GPATCH2: variants seen among roughly 807,000 people sequenced by gnomAD.
The protein encoded by GPATCH2 is G patch domain-containing protein 2.
In GPATCH2, 51 loss-of-function variants were observed where a neutral mutation model predicts 58.0. The observed-to-expected ratio is 0.88, with a 90% CI of 0.70 to 1.11. The LOEUF (loss-of-function observed/expected upper bound fraction) is 1.11. Ranked by LOEUF, GPATCH2 falls within the 50% of genes most tolerant of loss-of-function variation. The pLI is 0.00. For synonymous variants in GPATCH2, 222 were observed against 218.5 expected (o/e 1.02, Z -0.14); for missense variants, 625 against 652.2 (o/e 0.96, Z 0.45).
At chr1:217,598,443 A>AC (rs761899244) in intron 5 of GPATCH2, among the ~76,000 whole-genome samples, 50 of 148,650 alleles carry the variant, frequency 3.4e-4, no homozygotes, top group Non-Finnish European at 3.3e-4. Context: ...AACCATCAAC[A>AC]TTAAAAAAAA....
chr1:217,547,524 A>G (rs923134077), intron 5 of GPATCH2, among the ~76,000 whole-genome samples: 1 of 152,300 alleles, frequency 6.6e-6, no homozygotes, highest in African/African-American at 2.4e-5. Context: ...ATTACTGCAT[A>G]TATACCCAAA....
chr1:217,588,546 T>G (rs531503375), intron 5 of GPATCH2, among the ~76,000 whole-genome samples: 1 of 152,340 alleles, frequency 6.6e-6, no homozygotes, highest in South Asian at 2.1e-4. Context: ...CATCATCTAG[T>G]ATATGACATT....
intron 5 of GPATCH2, among the ~76,000 whole-genome samples, chr1:217,570,246 G>A (rs988442694): frequency 6.6e-6 from 1 of 151,962 alleles, no homozygotes; most frequent in African/African-American, 2.4e-5. Flanking sequence ...TGAGTAGCTG[G>A]GACTAGAGGT....
At chr1:217,499,325 G>A (rs1662181196) in intron 6 of GPATCH2, among the ~76,000 whole-genome samples, 3 of 152,214 alleles carry the variant, frequency 2.0e-5, no homozygotes, top group East Asian at 3.9e-4. Flanking sequence ...ATCCTTACAA[G>A]GTTAGGCTCA....
intron 3 of GPATCH2, among the ~76,000 whole-genome samples, chr1:217,613,395 C>T (rs966368889): frequency 2.0e-5 from 3 of 151,984 alleles, no homozygotes; most frequent in Non-Finnish European, 4.4e-5. Context: ...GTGTTTTTCA[C>T]TTGGAACTTA....
At chr1:217,480,481 G>C (rs1302073610) in intron 8 of GPATCH2, among the ~76,000 whole-genome samples, 2 of 152,084 alleles carry the variant, frequency 1.3e-5, no homozygotes, top group Non-Finnish European at 2.9e-5. Flanking sequence ...ATATCCAAAT[G>C]AGGTAATAAC....
In GPATCH2 at chr1:217,558,438, T is replaced by G. The variant is rs538495532; in HGVS notation, c.1099-43549A>C. 9.8e-5 allele frequency among the ~76,000 whole-genome samples: 15 copies of G among 152,358 alleles called. No individual in the cohort carries two copies. The South Asian group carries it at 3.1e-3, about 32-fold the overall frequency. ...GGAAGGTACAAATTTCATGATCTTTTGTTGTAATAAAGTGTCTCACAAAGC... is the reference window on the plus strand; with the variant it reads ...GGAAGGTACAAATTTCATGATCTTTGGTTGTAATAAAGTGTCTCACAAAGC... On this transcript the variant is annotated intron_variant, in intron 5 of 9. Coordinates refer to ENST00000366935, the MANE Select transcript of GPATCH2 (RefSeq NM_018040.5).
rs112772482 is a variant in GPATCH2 at position 217,498,942 on chromosome 1, C to G, written c.1167-547G>C. Among the ~76,000 whole-genome samples, 485 of 152,226 alleles carry G rather than the reference C, an allele frequency of 3.2e-3. 2 individuals carry two copies. The highest frequency in any genetic ancestry group is 0.011 in the African/African-American group (462 of 41,556). On this transcript the variant is annotated intron_variant, in intron 6 of 9. Coordinates refer to ENST00000366935, the MANE Select transcript of GPATCH2 (RefSeq NM_018040.5). ...GATTCTGGCTGAGAATGAAGTTCAA[C>G]AACATTAAAAATATAGAAGTCACTG... is the stretch of plus-strand genomic sequence containing the variant.
chr1:217,448,093 T>C (rs1412925653), intron 9 of GPATCH2, among the ~76,000 whole-genome samples: 3 of 141,962 alleles, frequency 2.1e-5, no homozygotes, highest in African/African-American at 8.4e-5. Flanking sequence ...GGTGAAACTC[T>C]GTCTCAGAAA....
At chr1:217,477,845 G>A (rs1395721417) in intron 8 of GPATCH2, among the ~76,000 whole-genome samples, 1 of 152,130 alleles carries the variant, frequency 6.6e-6, no homozygotes, top group Non-Finnish European at 1.5e-5. Context: ...ACAGGCCTTG[G>A]TTGAGACCTA....
At chr1:217,548,452 G>C (rs1021159950) in intron 5 of GPATCH2, among the ~76,000 whole-genome samples, 1 of 152,168 alleles carries the variant, frequency 6.6e-6, no homozygotes, top group African/African-American at 2.4e-5. Context: ...CAAATACTAA[G>C]ACACCTGCTT....
At chr1:217,494,520 C>T (rs1661910657) in intron 7 of GPATCH2, among the ~76,000 whole-genome samples, 1 of 152,146 alleles carries the variant, frequency 6.6e-6, no homozygotes, top group Non-Finnish European at 1.5e-5. Flanking sequence ...GGGCGGATCA[C>T]CTGAAGTCGG....
chr1:217,538,828 G>A (rs933610676), intron 5 of GPATCH2, among the ~76,000 whole-genome samples: 2 of 152,110 alleles, frequency 1.3e-5, no homozygotes, highest in African/African-American at 4.8e-5. Flanking sequence ...AACAGTGTTG[G>A]GTCCTAATTT....
At chr1:217,465,218 TA>T (rs1200131471) in intron 8 of GPATCH2, among the ~76,000 whole-genome samples, 2 of 150,728 alleles carry the variant, frequency 1.3e-5, no homozygotes, top group East Asian at 1.9e-4. Context: ...ACTTTAAAAT[TA>T]AAAAAAGAAA....
At chr1:217,512,229 A>G (rs192298719) in intron 6 of GPATCH2, among the ~76,000 whole-genome samples, 38 of 152,232 alleles carry the variant, frequency 2.5e-4, no homozygotes, top group African/African-American at 8.9e-4. Flanking sequence ...AGCTGAGGCC[A>G]GGGGATCACG....
chr1:217,448,090 CTCTG>C (rs1472319634), intron 9 of GPATCH2, among the ~76,000 whole-genome samples: 1 of 142,980 alleles, frequency 7.0e-6, no homozygotes, highest in African/African-American at 2.7e-5. Context: ...AAGGGTGAAA[CTCTG>C]TCTCAGAAAA....
At chr1:217,549,218 G>A (rs926464781) in intron 5 of GPATCH2, among the ~76,000 whole-genome samples, 2 of 152,060 alleles carry the variant, frequency 1.3e-5, no homozygotes, top group Non-Finnish European at 2.9e-5. Context: ...TAGACATCAT[G>A]GGAGATATAT....
chr1:217,443,367 T>C (rs1379520761), intron 9 of GPATCH2, among the ~76,000 whole-genome samples: 1 of 152,168 alleles, frequency 6.6e-6, no homozygotes, highest in Admixed American at 6.5e-5. Flanking sequence ...CTCTCTTACA[T>C]TCTCAATTGT....
chr1:217,515,740 G>T (rs1272093507), intron 5 of GPATCH2, among the ~76,000 whole-genome samples: 1 of 150,210 alleles, frequency 6.7e-6, no homozygotes. Flanking sequence ...TTAAAAAAAG[G>T]ACTCTTTATA....
Sources: gnomAD v4.1 joint callset for allele counts (sites outside exome capture counted in the v4.1 genomes callset) on GRCh38, gnomAD v4.1.1 for gene constraint, MANE v1.5 for transcripts, NCBI Gene and HGNC (gene_info 2026-07-23, HGNC 2026-07-21) for gene names.